Variants in CASK observed in about 807,000 individuals in gnomAD.
CASK encodes calcium/calmodulin dependent serine protein kinase, also known as peripheral plasma membrane protein CASK.
A neutral mutation model predicts 82.9 loss-of-function variants in CASK; 4 were observed. That is an observed-to-expected ratio of 0.05 (90% CI 0.02 to 0.11). CASK has a LOEUF of 0.11. CASK is among the 10% of genes least tolerant of loss of function. CASK has a pLI of 1.00. For missense variants in CASK, 358 were observed against 720.9 expected (o/e 0.50, Z 5.76); for synonymous variants, 259 against 253.5 (o/e 1.02, Z -0.20).
intron 4 of CASK, among the ~76,000 whole-genome samples, chrX:41,740,951 C>T (rs2147723146): frequency 1.8e-5 from 2 of 110,992 alleles, no homozygotes; most frequent in African/African-American, 6.5e-5. Context: ...GGTGGGATCT[C>T]GGCTCACTGC....
intron 15 of CASK, among the ~76,000 whole-genome samples, chrX:41,571,546 C>T (rs557797105): frequency 3.2e-3 from 361 of 111,220 alleles, no homozygotes; most frequent in Middle Eastern, 0.014. Flanking sequence ...TTTTTTTCCC[C>T]GTGATTGTAT....
At chrX:41,629,860 A>C (rs967990697) in intron 9 of CASK, among the ~76,000 whole-genome samples, 5 of 112,250 alleles carry the variant, frequency 4.5e-5, no homozygotes, top group Non-Finnish European at 7.5e-5. Context: ...GCAATAATGT[A>C]ATACAACAAT....
intron 2 of CASK, among the ~76,000 whole-genome samples, chrX:41,841,963 T>A (rs2071048713): frequency 8.9e-6 from 1 of 112,136 alleles, no homozygotes; most frequent in Admixed American, 9.4e-5. Context: ...GTCACAAAGA[T>A]TTATGCCTAT....
At chrX:41,533,909 C>T (rs936495634) in intron 24 of CASK, among the ~76,000 whole-genome samples, 7 of 111,885 alleles carry the variant, frequency 6.3e-5, no homozygotes, top group African/African-American at 2.3e-4. Flanking sequence ...TCGCCCACCT[C>T]AGCCTCCCAA....
chrX:41,818,568 AC>A (rs61183960), intron 2 of CASK, among the ~76,000 whole-genome samples: 44 of 110,474 alleles, frequency 4.0e-4, no homozygotes, highest in African/African-American at 1.4e-3. Flanking sequence ...ACCCCACTGC[AC>A]TCCAGCCTGG....
At chrX:41,751,355 A>C (rs1008496322) in intron 3 of CASK, among the ~76,000 whole-genome samples, 1 of 111,477 alleles carries the variant, frequency 9.0e-6, no homozygotes, top group Admixed American at 9.6e-5. Flanking sequence ...TCTCATCTTA[A>C]AGTGCTGGGA....
At chrX:41,573,211 CT>C (rs367885447) in intron 15 of CASK, among the ~76,000 whole-genome samples, 5,340 of 93,024 alleles carry the variant, frequency 0.057, 129 homozygotes, top group Middle Eastern at 0.13. Context: ...CAATTTCTTT[CT>C]TTTTTTTTTT....
At chrX:41,635,117 A>G (rs928555977) in intron 9 of CASK, among the ~76,000 whole-genome samples, 1 of 112,233 alleles carries the variant, frequency 8.9e-6, no homozygotes, top group Non-Finnish European at 1.9e-5. Context: ...AGTAGCCACT[A>G]GCCAACTGTG....
intron 5 of CASK, chrX:41,676,461 G>T (rs1459817305): frequency 1.4e-5 from 17 of 1,195,906 alleles, no homozygotes; most frequent in Non-Finnish European, 1.9e-5. Context: ...TGCTCGGCCA[G>T]TTTGGCCTTC....
chrX:41,875,726 C>A (rs1033962309), intron 1 of CASK, among the ~76,000 whole-genome samples: 1 of 110,498 alleles, frequency 9.0e-6, no homozygotes, highest in Non-Finnish European at 1.9e-5. Flanking sequence ...AATACCAGTA[C>A]AAAAGAAGAC....
At chrX:41,784,447 T>G (rs1051245369) in intron 3 of CASK, among the ~76,000 whole-genome samples, 5 of 112,336 alleles carry the variant, frequency 4.5e-5, no homozygotes, top group African/African-American at 1.6e-4. Context: ...AGTCAGATTT[T>G]TTTTTTCCCT....
chrX:41,874,676 C>T (rs2071778371), intron 1 of CASK, among the ~76,000 whole-genome samples: 1 of 112,330 alleles, frequency 8.9e-6, no homozygotes, highest in Non-Finnish European at 1.9e-5. Flanking sequence ...ATTTCCTGAA[C>T]AGATGAAATG....
intron 11 of CASK, among the ~76,000 whole-genome samples, chrX:41,612,733 C>A (rs2066105672): frequency 1.1e-5 from 1 of 91,377 alleles, no homozygotes; most frequent in Admixed American, 1.1e-4. Context: ...CGGCCAGCCA[C>A]CCCGTCCGGG....
chrX:41,636,552 C>T (rs376275786), intron 9 of CASK, 26 bp downstream of exon 9: 6 of 990,723 alleles, frequency 6.1e-6, no homozygotes, highest in Non-Finnish European at 8.6e-6. Flanking sequence ...ATCTGTTTGG[C>T]TTTTTTGCTG....
At chrX:41,705,603 G>A (rs775436944) in intron 5 of CASK, among the ~76,000 whole-genome samples, 2 of 110,917 alleles carry the variant, frequency 1.8e-5, no homozygotes, top group African/African-American at 3.3e-5. Flanking sequence ...GTTTTTCTCC[G>A]TCTAATCAGA....
At chrX:41,711,311 T>C (rs191680875) in intron 5 of CASK, among the ~76,000 whole-genome samples, 2 of 112,259 alleles carry the variant, frequency 1.8e-5, no homozygotes, top group East Asian at 5.6e-4. Context: ...CCCCACACAT[T>C]TGGTCACAGA....
intron 3 of CASK, among the ~76,000 whole-genome samples, chrX:41,756,797 G>A (rs901342352): frequency 5.3e-5 from 6 of 112,150 alleles, no homozygotes; most frequent in Admixed American, 4.7e-4. Flanking sequence ...TTGACCAAGA[G>A]ATCACACAGC....
At chrX:41,604,914 G>C (rs191614513) in intron 12 of CASK, among the ~76,000 whole-genome samples, 1 of 111,948 alleles carries the variant, frequency 8.9e-6, no homozygotes, top group Admixed American at 9.5e-5. Flanking sequence ...CAAATTCAAA[G>C]GTTTTCAGAA....
chrX:41,921,120 A>C (rs992349827), intron 1 of CASK, among the ~76,000 whole-genome samples: 1 of 112,421 alleles, frequency 8.9e-6, no homozygotes, highest in African/African-American at 3.2e-5. Flanking sequence ...AATTGTATTT[A>C]ATTTTAATTA....
Sources: allele counts gnomAD v4.1 joint callset (sites outside exome capture counted in the v4.1 genomes callset), GRCh38; gene constraint gnomAD v4.1.1; transcripts MANE v1.5; gene names NCBI Gene and HGNC (gene_info 2026-07-23, HGNC 2026-07-21).